The following ALK variants were observed in gnomAD, a reference collection of about 807,000 sequenced individuals.
ALK encodes ALK tyrosine kinase receptor.
Under a neutral mutation model 163.1 loss-of-function variants are expected in ALK, and 74 were observed. The observed-to-expected ratio is 0.45, with a 90% CI of 0.38 to 0.55. The LOEUF (loss-of-function observed/expected upper bound fraction) is 0.55. Ranked by LOEUF, ALK falls within the 20% of genes least tolerant of loss-of-function variation. The pLI, the probability that ALK is intolerant of heterozygous loss-of-function variation, is 0.00. For missense variants in ALK, 2,063 were observed against 2,105.3 expected (o/e 0.98, Z 0.39); for synonymous variants, 960 against 843.2 (o/e 1.14, Z -2.40).
intron 2 of ALK, among the ~76,000 whole-genome samples, chr2:29,713,613 T>C (rs1183353578): frequency 6.6e-6 from 1 of 152,152 alleles, no homozygotes; most frequent in Admixed American, 6.5e-5. Context: ...ATCTTTGAAA[T>C]AACTTTGTGA....
intron 5 of ALK, among the ~76,000 whole-genome samples, chr2:29,364,064 T>G (rs904660492): frequency 1.3e-5 from 2 of 152,120 alleles, no homozygotes; most frequent in Non-Finnish European, 2.9e-5. Flanking sequence ...AAACACAGAT[T>G]CAAAATGGGG....
intron 1 of ALK, among the ~76,000 whole-genome samples, chr2:29,864,659 A>C (rs912298193): frequency 1.3e-5 from 2 of 152,172 alleles, no homozygotes; most frequent in African/African-American, 4.8e-5. Context: ...TTCTTCATAC[A>C]TATTGTCTCA....
At chr2:29,263,154 C>T (rs533091988) in intron 11 of ALK, among the ~76,000 whole-genome samples, 2 of 152,332 alleles carry the variant, frequency 1.3e-5, no homozygotes, top group Non-Finnish European at 2.9e-5. Context: ...CTCTGCCACA[C>T]TCAAGCCCAA....
At chr2:29,366,813 T>C (rs535403321) in intron 5 of ALK, among the ~76,000 whole-genome samples, 1 of 152,388 alleles carries the variant, frequency 6.6e-6, no homozygotes, top group Non-Finnish European at 1.5e-5. Flanking sequence ...TGTCAGAGTT[T>C]ACTCTAAATT....
chr2:29,402,250 G>A (rs4514836), intron 4 of ALK, among the ~76,000 whole-genome samples: 25,334 of 152,280 alleles, frequency 0.17, 2,423 homozygotes, highest in South Asian at 0.25. Flanking sequence ...CTGGCTAAGG[G>A]CTGGGAGTTT....
chr2:29,716,426 T>C (rs181721548), intron 2 of ALK, among the ~76,000 whole-genome samples: 1 of 152,336 alleles, frequency 6.6e-6, no homozygotes, highest in East Asian at 1.9e-4. Context: ...TTCAAGAGAA[T>C]TAAAATGTTC....
chr2:29,638,238 A>G (rs1676600896), intron 3 of ALK, among the ~76,000 whole-genome samples: 1 of 152,228 alleles, frequency 6.6e-6, no homozygotes, highest in Non-Finnish European at 1.5e-5. Context: ...TAGAAAGGTA[A>G]TGGTGTCTAC....
intron 3 of ALK, among the ~76,000 whole-genome samples, chr2:29,683,345 C>A (rs1176560157): frequency 6.6e-6 from 1 of 152,048 alleles, no homozygotes; most frequent in Non-Finnish European, 1.5e-5. Context: ...TCACTGCACT[C>A]CAGCCTGGGC....
chr2:29,901,585 C>T (rs575214210), intron 1 of ALK, among the ~76,000 whole-genome samples: 1 of 152,300 alleles, frequency 6.6e-6, no homozygotes, highest in East Asian at 1.9e-4. Context: ...CATTATTGGC[C>T]AAGCCGCTCA....
chr2:29,910,495 T>C (rs1388189386), intron 1 of ALK, among the ~76,000 whole-genome samples: 1 of 152,080 alleles, frequency 6.6e-6, no homozygotes, highest in Non-Finnish European at 1.5e-5. Context: ...CAAGAGTCTA[T>C]CAACAAATTG....
At chr2:29,684,067 G>T (rs952730046) in intron 3 of ALK, among the ~76,000 whole-genome samples, 52 of 152,190 alleles carry the variant, frequency 3.4e-4, no homozygotes, top group African/African-American at 1.3e-3. Context: ...CCATTCAAAA[G>T]AATTTTATTT....
chr2:29,794,747 T>C (rs1426707344), intron 1 of ALK, among the ~76,000 whole-genome samples: 2 of 152,132 alleles, frequency 1.3e-5, no homozygotes, highest in Non-Finnish European at 2.9e-5. Context: ...CGCCACCTTA[T>C]AGGGGCATGG....
At chr2:29,684,115 C>T (rs775996985) in intron 3 of ALK, among the ~76,000 whole-genome samples, 7 of 152,132 alleles carry the variant, frequency 4.6e-5, no homozygotes, top group Non-Finnish European at 1.0e-4. Context: ...CTTTCAAATC[C>T]CTTCAAGCAT....
In ALK at chr2:29,419,329, C is replaced by T. The variant is rs528002954; in HGVS notation, c.1155-35470G>A. On this transcript the variant is annotated intron_variant, in intron 4 of 28. Coordinates refer to ENST00000389048, the MANE Select transcript of ALK (RefSeq NM_004304.5). The stretch of plus-strand genomic sequence containing the variant: ...TCGGCTTCCCAAAGCGCTGGGATTA[C>T]AGGCATGAGCCACCGCAACTGGCCA... 2.6e-5 allele frequency among the ~76,000 whole-genome samples: 4 copies of T among 151,606 alleles called. No individual in the cohort carries two copies. In the East Asian group the frequency reaches 7.7e-4, roughly 29 times the overall value.
chr2:29,832,044 T>G (rs1297982182), intron 1 of ALK, among the ~76,000 whole-genome samples: 3 of 152,152 alleles, frequency 2.0e-5, no homozygotes, highest in African/African-American at 7.2e-5. Flanking sequence ...GAATCTTGAG[T>G]ACAGGTGAGT....
chr2:29,578,496 G>A (rs544519855), intron 3 of ALK, among the ~76,000 whole-genome samples: 1 of 152,310 alleles, frequency 6.6e-6, no homozygotes, highest in East Asian at 1.9e-4. Flanking sequence ...GGTCTTTGAG[G>A]ATGGTTATTC....
chr2:29,620,820 C>A (rs1676014509), intron 3 of ALK, among the ~76,000 whole-genome samples: 2 of 152,152 alleles, frequency 1.3e-5, no homozygotes, highest in East Asian at 3.9e-4. Context: ...AGAAAGAACG[C>A]ATACAAATTC....
At chr2:29,811,074 TA>T (rs1226458778) in intron 1 of ALK, among the ~76,000 whole-genome samples, 1 of 151,984 alleles carries the variant, frequency 6.6e-6, no homozygotes, top group African/African-American at 2.4e-5. Flanking sequence ...GGTATGTTGT[TA>T]TGGCAACCCA....
At chr2:29,393,066 T>TTCAAGGTTACTGAGTGC (rs1359988461) in intron 4 of ALK, among the ~76,000 whole-genome samples, 1 of 151,940 alleles carries the variant, frequency 6.6e-6, no homozygotes, top group Non-Finnish European at 1.5e-5. Flanking sequence ...TTACTAAGTG[T>TTCAAGGTTACTGAGTGC]TCAAGGTTAC....
Sources: gnomAD v4.1 joint callset for allele counts (sites outside exome capture counted in the v4.1 genomes callset) on GRCh38, gnomAD v4.1.1 for gene constraint, MANE v1.5 for transcripts, NCBI Gene and HGNC (gene_info 2026-07-23, HGNC 2026-07-21) for gene names.